The following CSMD1 variants were observed in gnomAD, a reference collection of about 807,000 sequenced individuals.
CSMD1 encodes CUB and sushi domain-containing protein 1.
Under a neutral mutation model 417.5 loss-of-function variants are expected in CSMD1, and 213 were observed. The ratio of observed to expected loss-of-function variants is 0.51; its 90% CI spans 0.46 to 0.57. The LOEUF is 0.57. CSMD1 is among the 20% of genes least tolerant of loss of function. The probability of loss-of-function intolerance (pLI) is 0.00; values close to 1 mark genes in which losing one functional copy is unlikely to be tolerated. For missense variants in CSMD1, 6,923 were observed against 4,529.7 expected, an observed-to-expected ratio of 1.53 and a Z score of -15.17; for synonymous variants, 2,862 against 1,736.8, an observed-to-expected ratio of 1.65 and a Z score of -16.11.
chr8:4,422,487 C>G (rs1021942662), intron 2 of CSMD1, among the ~76,000 whole-genome samples: 3 of 152,034 alleles, frequency 2.0e-5, no homozygotes, highest in Admixed American at 1.3e-4. Context: ...AGAAGGATTC[C>G]TTTCTCCCTG....
intron 7 of CSMD1, among the ~76,000 whole-genome samples, chr8:3,683,961 G>C (rs1189950337): frequency 6.6e-6 from 1 of 151,688 alleles, no homozygotes; most frequent in Admixed American, 6.6e-5. Context: ...CACACCTTTT[G>C]CTTCATGTGA....
At chr8:4,579,993 C>T (rs1450998179) in intron 2 of CSMD1, among the ~76,000 whole-genome samples, 2 of 152,180 alleles carry the variant, frequency 1.3e-5, no homozygotes, top group East Asian at 1.9e-4. Flanking sequence ...TTCTTAAATA[C>T]TACCATTTCC....
At chr8:2,982,431 T>C (rs1222496660) in intron 54 of CSMD1, among the ~76,000 whole-genome samples, 1 of 152,234 alleles carries the variant, frequency 6.6e-6, no homozygotes, top group South Asian at 2.1e-4. Context: ...TCAAACTTTC[T>C]TGAGGATCAT....
rs535508093 is a variant in CSMD1 at position 4,227,936 on chromosome 8, C to G, written c.415+192017G>C. 2.6e-5 allele frequency among the ~76,000 whole-genome samples: 4 copies of G among 151,508 alleles called. No individual in the cohort carries two copies. The South Asian group carries it at 8.4e-4, about 32-fold the overall frequency. On this transcript the variant is annotated intron_variant, in intron 3 of 69. Coordinates refer to ENST00000635120, the MANE Select transcript of CSMD1 (RefSeq NM_033225.6). ...CCACATTAAATCCCACACCTAGACA[C>G]ACACCCTCCATCCTGCATTCAATCC...
At chr8:3,701,226 G>A (rs1010861559) in intron 7 of CSMD1, among the ~76,000 whole-genome samples, 4 of 152,130 alleles carry the variant, frequency 2.6e-5, no homozygotes, top group African/African-American at 7.2e-5. Context: ...GTTAAGCCAC[G>A]TAATCCACCT....
intron 21 of CSMD1, among the ~76,000 whole-genome samples, chr8:3,351,236 A>G (rs1158065934): frequency 2.0e-5 from 3 of 152,178 alleles, no homozygotes; most frequent in Non-Finnish European, 4.4e-5. Flanking sequence ...GGATTTCATT[A>G]CTCTAGGGTA....
rs977395791 is a variant in CSMD1, at chr8:4,141,993, C to G, written c.416-109894G>C. Among the ~76,000 whole-genome samples, 12 of 150,736 alleles carry G rather than the reference C, an allele frequency of 8.0e-5. 1 individual carries two copies. Among genetic ancestry groups the G allele is most frequent in the African/African-American group, 3.0e-4 (12 of 40,204 alleles). On this transcript the variant is annotated intron_variant, in intron 3 of 69. Coordinates refer to ENST00000635120, the MANE Select transcript of CSMD1 (RefSeq NM_033225.6). ...AATTATGACATTAAATTTCTCTCAA[C>G]TTATATATTCAATGATGTTCCAAAA...
chr8:3,423,514 A>G (rs1309632261), intron 12 of CSMD1, among the ~76,000 whole-genome samples: 5 of 151,916 alleles, frequency 3.3e-5, no homozygotes, highest in African/African-American at 1.2e-4. Flanking sequence ...GTAGTTATGA[A>G]CTTTTTGTTG....
intron 1 of CSMD1, among the ~76,000 whole-genome samples, chr8:4,840,735 C>G (rs1800794435): frequency 6.6e-6 from 1 of 152,200 alleles, no homozygotes; most frequent in Non-Finnish European, 1.5e-5. Context: ...ACTGGCTTTT[C>G]AGTTTCTCTT....
chr8:3,584,827 C>T (rs574568033), intron 9 of CSMD1, among the ~76,000 whole-genome samples: 12 of 152,216 alleles, frequency 7.9e-5, no homozygotes, highest in East Asian at 3.9e-4. Context: ...CCATGTGACT[C>T]GTTCCTCCTG....
chr8:4,177,852 C>A (rs902973658), intron 3 of CSMD1, among the ~76,000 whole-genome samples: 6 of 151,672 alleles, frequency 4.0e-5, no homozygotes, highest in Admixed American at 3.3e-4. Flanking sequence ...AATTCCTCGA[C>A]ACATACACTC....
At chr8:3,069,528 A>G (rs1813184077) in intron 49 of CSMD1, among the ~76,000 whole-genome samples, 2 of 152,146 alleles carry the variant, frequency 1.3e-5, no homozygotes, top group African/African-American at 4.8e-5. Flanking sequence ...AACCTCCCAA[A>G]TAACTTCCTT....
intron 1 of CSMD1, among the ~76,000 whole-genome samples, chr8:4,661,592 A>G (rs1160923980): frequency 7.9e-5 from 12 of 152,292 alleles, no homozygotes; most frequent in Admixed American, 6.5e-4. Context: ...CTTAGCTGTG[A>G]TGTTGTACTA....
intron 2 of CSMD1, among the ~76,000 whole-genome samples, chr8:4,567,475 C>G (rs1798666995): frequency 6.6e-6 from 1 of 152,116 alleles, no homozygotes; most frequent in South Asian, 2.1e-4. Flanking sequence ...AAGAAAAGAG[C>G]AATTCCAATG....
chr8:4,919,604 G>C (rs4875407), intron 1 of CSMD1, among the ~76,000 whole-genome samples: 25,766 of 152,092 alleles, frequency 0.17, 3,957 homozygotes, highest in African/African-American at 0.42. Context: ...ACTAAATGTA[G>C]TAACAATTTG....
intron 5 of CSMD1, among the ~76,000 whole-genome samples, chr8:3,947,012 T>C (rs923666308): frequency 6.6e-6 from 1 of 152,168 alleles, no homozygotes; most frequent in Non-Finnish European, 1.5e-5. Context: ...ATATTTCTAA[T>C]CTCTATGTCT....
In CSMD1 at chr8:4,799,718, C is replaced by A. The variant is rs1159711953; in HGVS notation, c.86-162160G>T. Among the ~76,000 whole-genome samples, 4 of 133,934 alleles carry A rather than the reference C, an allele frequency of 3.0e-5. No homozygotes were observed. In the East Asian group the frequency reaches 7.2e-4, roughly 24 times the overall value. The allele number at this position is 133,934 out of a possible 152,430, so 87.9% of individuals were successfully genotyped here. ...TTATCAATACAATATTTATTAAAAA[C>A]AAAATTGGCATTACATGTCAAAAAG... On this transcript the variant is annotated intron_variant, in intron 1 of 69. Transcript: ENST00000635120.
At chr8:3,275,440 G>A (rs919491039) in intron 26 of CSMD1, among the ~76,000 whole-genome samples, 3 of 152,016 alleles carry the variant, frequency 2.0e-5, no homozygotes, top group African/African-American at 7.3e-5. Flanking sequence ...TATCTTTGTG[G>A]CATTCTCTGT....
At chr8:4,656,415 C>T (rs1383164317) in intron 1 of CSMD1, among the ~76,000 whole-genome samples, 1 of 151,986 alleles carries the variant, frequency 6.6e-6, no homozygotes, top group Non-Finnish European at 1.5e-5. Context: ...CTTTGAAGGA[C>T]TAATGTATCA....
Sources: gnomAD v4.1 joint callset for allele counts (sites outside exome capture counted in the v4.1 genomes callset) on GRCh38, gnomAD v4.1.1 for gene constraint, MANE v1.5 for transcripts, NCBI Gene and HGNC (gene_info 2026-07-23, HGNC 2026-07-21) for gene names.